The following PARP11 variants were observed in gnomAD, a reference collection of about 807,000 sequenced individuals.
PARP11 encodes the protein poly(ADP-ribose) polymerase family member 11, also known as protein mono-ADP-ribosyltransferase PARP11.
Under a neutral mutation model 42.9 loss-of-function variants are expected in PARP11, and 31 were observed. That is an observed-to-expected ratio of 0.72 (90% CI 0.54 to 0.98). The LOEUF is 0.98. Ranked by LOEUF, PARP11 falls within the 50% of genes least tolerant of loss-of-function variation. PARP11 has a pLI of 0.00. For synonymous variants in PARP11, 137 were observed against 127.3 expected, an observed-to-expected ratio of 1.08 and a Z score of -0.51; for missense variants, 365 against 413.1, an observed-to-expected ratio of 0.88 and a Z score of 1.01.
chr12:3,867,239 A>G (rs1306651448), intron 1 of PARP11, among the ~76,000 whole-genome samples: 1 of 152,216 alleles, frequency 6.6e-6, no homozygotes, highest in Non-Finnish European at 1.5e-5. Context: ...TCCTGATTAT[A>G]ACTGAGTGTT....
In PARP11 at chr12:3,842,024, C is replaced by G; in HGVS notation, c.19-12006G>C. The G allele has an allele frequency of 5.0e-6, 8 of 1,611,494 alleles. No homozygotes were observed. In the South Asian group the frequency reaches 8.8e-5, roughly 18 times the overall value. ...ACACGAAAGGCAGATATGGCATTGG[C>G]TTCCATCCCTCCTGTAGCAGAGGGA... is the stretch of plus-strand genomic sequence containing the variant. On this transcript the variant is annotated intron_variant, in intron 1 of 7. Coordinates refer to ENST00000228820, the MANE Select transcript of PARP11 (RefSeq NM_020367.6).
intron 3 of PARP11, among the ~76,000 whole-genome samples, chr12:3,827,131 AT>A (rs1427183200): frequency 3.9e-5 from 6 of 152,134 alleles, no homozygotes; most frequent in Non-Finnish European, 7.3e-5. Context: ...GGACCATCTC[AT>A]TTTTTAGTTT....
intron 1 of PARP11, chr12:3,841,039 A>T: frequency 6.3e-7 from 1 of 1,583,878 alleles, no homozygotes; most frequent in Non-Finnish European, 8.7e-7. Flanking sequence ...ACAGACTTTG[A>T]CCCCTGGACC....
intron 1 of PARP11, among the ~76,000 whole-genome samples, chr12:3,864,969 T>G (rs981405294): frequency 6.6e-6 from 1 of 152,198 alleles, no homozygotes; most frequent in Admixed American, 6.5e-5. Context: ...AAGCTGTGAT[T>G]ATTGATTTGT....
chr12:3,822,090 A>G lies in PARP11; in HGVS notation c.412T>C (p.Tyr138His), dbSNP rs1405173786. 6.2e-7 allele frequency: 1 copy of G among 1,613,390 alleles called. No homozygotes were observed. The highest frequency in any genetic ancestry group is 8.5e-7 in the Non-Finnish European group (1 of 1,179,602). ...HWENVNTQVPYQLIPLHNQTH... is the reference protein window; with the variant it reads ...HWENVNTQVPHQLIPLHNQTH... ...TCAGTCAATTCTGCTCTTACCTGAT[A>G]TGGTACTTGAGTATTCACATTCTCC... The change falls in exon 5 of 8, where the codon TAT becomes CAT. Residue 138 changes from tyrosine (Y) to histidine (H), a missense_variant. Coordinates refer to ENST00000228820, the MANE Select transcript of PARP11 (RefSeq NM_020367.6).
chr12:3,828,875 C>T (rs1947581612), intron 3 of PARP11, 35 bp downstream of exon 3: 1 of 1,592,286 alleles, frequency 6.3e-7, no homozygotes, highest in Non-Finnish European at 8.6e-7. Context: ...TATCAATATA[C>T]TAAAAACACA....
intron 3 of PARP11, among the ~76,000 whole-genome samples, chr12:3,827,354 T>C (rs1478558673): frequency 6.6e-6 from 1 of 152,172 alleles, no homozygotes; most frequent in African/African-American, 2.4e-5. Context: ...TGAGAGCAAG[T>C]TTCCAAAAAG....
At chr12:3,836,751 T>C (rs1171013255) in intron 1 of PARP11, among the ~76,000 whole-genome samples, 10 of 152,224 alleles carry the variant, frequency 6.6e-5, no homozygotes, top group Non-Finnish European at 1.5e-4. Context: ...AAATATTATG[T>C]AGGGAGAGAC....
intron 3 of PARP11, among the ~76,000 whole-genome samples, chr12:3,826,882 T>C (rs1469603347): frequency 1.3e-5 from 2 of 152,238 alleles, no homozygotes; most frequent in Non-Finnish European, 2.9e-5. Context: ...GTCCATTTCT[T>C]CATTCCTCAA....
At chr12:3,827,692 G>C (rs1947555830) in intron 3 of PARP11, among the ~76,000 whole-genome samples, 1 of 151,806 alleles carries the variant, frequency 6.6e-6, no homozygotes, top group Non-Finnish European at 1.5e-5. Context: ...AAACAACTTT[G>C]GTGGGATAAT....
At position 3,861,995 on chromosome 12, in the gene PARP11, A is replaced by C. The variant is rs942062612; in HGVS notation, c.18+11217T>G. ...GGATGAGATAGCACCACTGCACTCC[A>C]ACCTGGTTGATGGAGCGAGACTCCG... On this transcript the variant is annotated intron_variant, in intron 1 of 7. Coordinates refer to ENST00000228820, the MANE Select transcript of PARP11 (RefSeq NM_020367.6). The surrounding 1 kb of genome is among the most constrained non-coding windows in gnomAD (Gnocchi z 4.6). Among the ~76,000 whole-genome samples, 1 of 152,198 alleles carries C rather than the reference A, an allele frequency of 6.6e-6. No homozygotes were observed. The highest frequency in any genetic ancestry group is 1.5e-5 in the Non-Finnish European group (1 of 68,026).
Position 3,840,379 on chromosome 12 carries a change from T to C in PARP11, c.19-10361A>G. 3 of 1,613,920 alleles carry C rather than the reference T, an allele frequency of 1.9e-6. No homozygotes were observed. Among genetic ancestry groups the C allele is most frequent in the Middle Eastern group, 1.6e-4 (1 of 6,062 alleles). On this transcript the variant is annotated intron_variant, in intron 1 of 7. Coordinates refer to ENST00000228820, the MANE Select transcript of PARP11 (RefSeq NM_020367.6). The surrounding 1 kb of genome is among the most constrained non-coding windows in gnomAD (Gnocchi z 4.4). ...ACAAAATTTCCATTCTGATATGGAT[T>C]ACAGAGGGCCAAAGAATCCAAGCAA...
intron 1 of PARP11, among the ~76,000 whole-genome samples, chr12:3,837,241 A>G (rs1221751229): frequency 6.6e-6 from 1 of 152,148 alleles, no homozygotes; most frequent in African/African-American, 2.4e-5. Flanking sequence ...CCCACTCAGC[A>G]TGGGCAGTGT....
chr12:3,830,134 A>G (rs769330716), intron 1 of PARP11, 116 bp from the exon 2 acceptor site: 1 of 854,696 alleles, frequency 1.2e-6, no homozygotes, highest in Non-Finnish European at 1.8e-6. Context: ...TCCTCCCATG[A>G]CACTTTAAAA....
intron 3 of PARP11, among the ~76,000 whole-genome samples, chr12:3,827,664 T>TA (rs899376268): frequency 1.7e-4 from 25 of 148,056 alleles, no homozygotes; most frequent in Non-Finnish European, 2.4e-4. Context: ...TCTTGATAAT[T>TA]AAAAAAAAAA....
intron 1 of PARP11, among the ~76,000 whole-genome samples, chr12:3,834,746 A>G (rs1947722177): frequency 1.3e-5 from 2 of 152,046 alleles, no homozygotes; most frequent in Non-Finnish European, 2.9e-5. Flanking sequence ...CAGAAGTTTA[A>G]TGCAGAGAAC....
chr12:3,850,696 G>C (rs528415676), intron 1 of PARP11, among the ~76,000 whole-genome samples: 1 of 152,266 alleles, frequency 6.6e-6, no homozygotes, highest in African/African-American at 2.4e-5. Flanking sequence ...GACAAGGTCA[G>C]AAAGGCCTGC....
chr12:3,840,457 G>T lies in PARP11; in HGVS notation c.19-10439C>A. ...TCCTCGACTGCAGCATCCTTCAGGA[G>T]TAAGACAACGTGAGTTCTCTAGTCA... is the stretch of plus-strand genomic sequence containing the variant. On this transcript the variant is annotated intron_variant, in intron 1 of 7. Transcript: ENST00000228820. The surrounding 1 kb of genome is among the most constrained non-coding windows in gnomAD (Gnocchi z 4.4). 1.2e-6 allele frequency: 2 copies of T among 1,613,036 alleles called. No homozygotes were observed. Among genetic ancestry groups the T allele is most frequent in the Non-Finnish European group, 1.7e-6 (2 of 1,178,964 alleles).
At chr12:3,841,525 A>C in intron 1 of PARP11, 1 of 1,590,530 alleles carries the variant, frequency 6.3e-7, no homozygotes, top group South Asian at 1.1e-5. Context: ...ACAGCCAGTG[A>C]TTGGACCGCC....
Sources: gnomAD v4.1 joint callset for allele counts (sites outside exome capture counted in the v4.1 genomes callset) on GRCh38, gnomAD v4.1.1 for gene constraint, Gnocchi (gnomAD v3.1) non-coding constraint, MANE v1.5 for transcripts, NCBI Gene and HGNC (gene_info 2026-07-23, HGNC 2026-07-21) for gene names.